STPG2: variants seen among roughly 807,000 people sequenced by gnomAD.
The protein encoded by STPG2 is sperm-tail PG-rich repeat-containing protein 2.
A neutral mutation model predicts 54.2 loss-of-function variants in STPG2; 56 were observed. That is an observed-to-expected ratio of 1.03 (90% CI 0.83 to 1.29). STPG2 has a LOEUF of 1.29. Among genes scored for constraint, STPG2 ranks in the 50% most tolerant of loss-of-function variants. The pLI, the probability that STPG2 is intolerant of heterozygous loss-of-function variation, is 0.00. For synonymous variants in STPG2, 200 were observed against 181.8 expected (o/e 1.10, Z -0.81); for missense variants, 596 against 544.9 (o/e 1.09, Z -0.93).
At chr4:97,470,215 GA>G (rs993243792) in intron 4 of STPG2, among the ~76,000 whole-genome samples, 6 of 152,088 alleles carry the variant, frequency 3.9e-5, no homozygotes, top group Non-Finnish European at 7.4e-5. Flanking sequence ...AAGGCATTGA[GA>G]TGAGAGAAAT....
chr4:98,137,196 T>C (rs1199714511), intron 1 of STPG2, among the ~76,000 whole-genome samples: 1 of 151,790 alleles, frequency 6.6e-6, no homozygotes, highest in African/African-American at 2.4e-5. Flanking sequence ...GGAGTGCCTA[T>C]ATTAAAATCA....
chr4:97,973,338 T>C (rs185052799), intron 6 of STPG2, among the ~76,000 whole-genome samples: 27 of 152,260 alleles, frequency 1.8e-4, no homozygotes, highest in Non-Finnish European at 8.8e-5. Flanking sequence ...AGAGACATGA[T>C]TTAGGGTATC....
intron 5 of STPG2, among the ~76,000 whole-genome samples, chr4:98,041,380 A>C (rs1282527726): frequency 1.3e-5 from 2 of 151,802 alleles, no homozygotes; most frequent in Non-Finnish European, 2.9e-5. Flanking sequence ...AGGAGTGGTA[A>C]AATTGAACAT....
intron 9 of STPG2, among the ~76,000 whole-genome samples, chr4:97,735,845 G>A (rs1183528709): frequency 6.6e-6 from 1 of 151,868 alleles, no homozygotes; most frequent in Admixed American, 6.6e-5. Context: ...CAACTCAATA[G>A]CAAAAACACA....
intron 9 of STPG2, among the ~76,000 whole-genome samples, chr4:97,732,546 T>C (rs1305563687): frequency 6.6e-6 from 1 of 151,898 alleles, no homozygotes; most frequent in Non-Finnish European, 1.5e-5. Context: ...CAAAAACAAA[T>C]GCAACAAAAA....
intron 8 of STPG2, among the ~76,000 whole-genome samples, chr4:97,904,986 T>G (rs9685177): frequency 0.24 from 37,045 of 151,606 alleles, 5,264 homozygotes; most frequent in Middle Eastern, 0.36. Context: ...CTGATTGGTG[T>G]ACCTGAAAGT....
intron 8 of STPG2, among the ~76,000 whole-genome samples, chr4:97,851,366 GCTTT>G (rs1170496883): frequency 6.6e-6 from 1 of 152,130 alleles, no homozygotes; most frequent in Non-Finnish European, 1.5e-5. Context: ...CTACCTTGAG[GCTTT>G]CTTTTTGTTT....
chr4:97,877,839 T>A (rs754815602), intron 8 of STPG2, among the ~76,000 whole-genome samples: 18 of 152,126 alleles, frequency 1.2e-4, no homozygotes, highest in Admixed American at 2.0e-4. Context: ...ATTTCAGCAT[T>A]AACTCAAAAG....
intron 5 of STPG2, among the ~76,000 whole-genome samples, chr4:98,086,475 A>T (rs919516175): frequency 5.3e-5 from 8 of 152,034 alleles, no homozygotes; most frequent in Non-Finnish European, 1.2e-4. Context: ...AGATTTAGCA[A>T]ATTTTAAACA....
chr4:97,819,791 T>C (rs2149103635), intron 9 of STPG2, among the ~76,000 whole-genome samples: 1 of 152,236 alleles, frequency 6.6e-6, no homozygotes, highest in Non-Finnish European at 1.5e-5. Context: ...ATTTTTAATA[T>C]ATTTTTGACT....
intron 8 of STPG2, among the ~76,000 whole-genome samples, chr4:97,880,358 C>A (rs1730325327): frequency 6.6e-6 from 1 of 152,154 alleles, no homozygotes; most frequent in Non-Finnish European, 1.5e-5. Context: ...AAAATAGCAA[C>A]TGGCAAAGAC....
chr4:97,538,386 G>A (rs1289487891), intron 4 of STPG2, among the ~76,000 whole-genome samples: 5 of 152,162 alleles, frequency 3.3e-5, no homozygotes, highest in South Asian at 2.1e-4. Flanking sequence ...CAACAACTAC[G>A]TGACAAATGC....
chr4:97,458,143 G>A (rs1457471388), intron 4 of STPG2, among the ~76,000 whole-genome samples: 1 of 152,144 alleles, frequency 6.6e-6, no homozygotes, highest in African/African-American at 2.4e-5. Context: ...GAATGAATAC[G>A]AGATGGCTCC....
At chr4:97,552,075 A>C (rs1344332817) in intron 4 of STPG2, among the ~76,000 whole-genome samples, 1 of 152,196 alleles carries the variant, frequency 6.6e-6, no homozygotes, top group Non-Finnish European at 1.5e-5. Flanking sequence ...GGAAGTGACC[A>C]AAAAGATAAT....
At chr4:97,919,918 G>A (rs1236686082) in intron 8 of STPG2, among the ~76,000 whole-genome samples, 1 of 151,988 alleles carries the variant, frequency 6.6e-6, no homozygotes, top group African/African-American at 2.4e-5. Flanking sequence ...TGCCCTCCTT[G>A]AATTTATTGA....
chr4:97,466,143 T>C (rs1729783662), intron 4 of STPG2, among the ~76,000 whole-genome samples: 1 of 152,102 alleles, frequency 6.6e-6, no homozygotes, highest in South Asian at 2.1e-4. Context: ...TCCATACCTA[T>C]GATTTATGCA....
intron 9 of STPG2, among the ~76,000 whole-genome samples, chr4:97,812,176 A>G (rs1032595681): frequency 5.3e-5 from 8 of 152,096 alleles, no homozygotes; most frequent in Admixed American, 4.6e-4. Context: ...ATAATTAAGA[A>G]TGCAGATTTG....
chr4:97,804,998 C>A (rs1024399552), intron 9 of STPG2, among the ~76,000 whole-genome samples: 2 of 152,100 alleles, frequency 1.3e-5, no homozygotes, highest in African/African-American at 4.8e-5. Flanking sequence ...GATGTTCATA[C>A]AAGGACAATA....
At chr4:97,675,720 AC>A (rs1722817464) in intron 10 of STPG2, among the ~76,000 whole-genome samples, 1 of 151,316 alleles carries the variant, frequency 6.6e-6, no homozygotes, top group African/African-American at 2.4e-5. Context: ...ATATGAAGCC[AC>A]CTTCCCTCCT....
Sources: gnomAD v4.1 joint callset for allele counts (sites outside exome capture counted in the v4.1 genomes callset) on GRCh38, gnomAD v4.1.1 for gene constraint, MANE v1.5 for transcripts, NCBI Gene and HGNC (gene_info 2026-07-23, HGNC 2026-07-21) for gene names.